The following SCN2A variants were observed in gnomAD, a reference collection of about 807,000 sequenced individuals.
The protein encoded by SCN2A is sodium channel protein type 2 subunit alpha.
Under a neutral mutation model 188.7 loss-of-function variants are expected in SCN2A, and 20 were observed. That is an observed-to-expected ratio of 0.11 (90% CI 0.07 to 0.15). The LOEUF (loss-of-function observed/expected upper bound fraction) is 0.15, where lower values mean the gene tolerates loss of function less well. SCN2A is among the 10% of genes least tolerant of loss of function. The pLI is 1.00. For synonymous variants in SCN2A, 804 were observed against 833.1 expected, an observed-to-expected ratio of 0.97 and a Z score of 0.60; for missense variants, 1,278 against 2,445.0, an observed-to-expected ratio of 0.52 and a Z score of 10.07.
Position 165,297,151 on chromosome 2 carries a change from T to C in SCN2A, c.386+16T>C. The C allele has an allele frequency of 7.2e-7, 1 of 1,387,008 alleles. No homozygotes were observed. Among genetic ancestry groups the C allele is most frequent in the Non-Finnish European group, 1.0e-6 (1 of 974,168 alleles). 85.9% of individuals were successfully genotyped at this position (1,387,008 alleles called of 1,614,324 possible). ...TGGTACATTCATATCCTTTTTCAAA[T>C]CGTCACTTAATATGATTTTCTTCTT... is the stretch of plus-strand genomic sequence containing the variant. On this transcript the variant is annotated intron_variant, in intron 3 of 26. Transcript: ENST00000375437.
chr2:165,257,858 A>G (rs919997551), intron 1 of SCN2A, among the ~76,000 whole-genome samples: 1 of 152,094 alleles, frequency 6.6e-6, no homozygotes, highest in Non-Finnish European at 1.5e-5. Context: ...TTTGATTTGC[A>G]TTCTCTAATG....
intron 16 of SCN2A, among the ~76,000 whole-genome samples, chr2:165,348,907 G>A (rs1699744889): frequency 6.6e-6 from 1 of 152,194 alleles, no homozygotes; most frequent in African/African-American, 2.4e-5. Flanking sequence ...ATGTAAGAGA[G>A]AAGGCAAGGA....
chr2:165,310,556 G>C lies in SCN2A; in HGVS notation c.931G>C (p.Val311Leu). The change falls in exon 7 of 27, where the codon GTG becomes CTG. Residue 311 changes from valine to leucine, a missense_variant. Physicochemically the swap from Val to Leu is conservative, Grantham distance 32. This residue lies in a region of SCN2A where 45 missense variants were observed against 58.1 expected (regional missense o/e 0.77). Coordinates refer to ENST00000375437, the MANE Select transcript of SCN2A (RefSeq NM_001040142.2). Reference sequence around the variant, plus strand: ...GAATGGTACTACTTTCAATAGGACAGTGAGCATATTTAACTGGGATGAATA... The same window carrying C: ...GAATGGTACTACTTTCAATAGGACACTGAGCATATTTAACTGGGATGAATA... ...DGNGTTFNRT[V>L]SIFNWDEYIE... 6.2e-7 allele frequency: 1 copy of C among 1,612,432 alleles called. No individual in the cohort carries two copies. The highest frequency in any genetic ancestry group is 8.5e-7 in the Non-Finnish European group (1 of 1,178,752).
rs986519213 is a variant in SCN2A at position 165,311,399 on chromosome 2, A to G, written c.971-626A>G. On this transcript the variant is annotated intron_variant, in intron 7 of 26. Coordinates refer to ENST00000375437, the MANE Select transcript of SCN2A (RefSeq NM_001040142.2). ...AAATAAAAACTAGATAGCTCTCCAT[A>G]GCTTAAAAATAAAAACTAGATATAC... 3.9e-5 allele frequency among the ~76,000 whole-genome samples: 6 copies of G among 152,144 alleles called. No homozygotes were observed. In the East Asian group the frequency reaches 1.2e-3, roughly 29 times the overall value.
At chr2:165,360,994 C>T (rs1271756591) in intron 17 of SCN2A, among the ~76,000 whole-genome samples, 3 of 151,792 alleles carry the variant, frequency 2.0e-5, no homozygotes, top group Non-Finnish European at 2.9e-5. Flanking sequence ...TTAGGTTGAT[C>T]GTAATTATGA....
chr2:165,315,386 A>C, intron 10 of SCN2A, 85 bp from the exon 11 acceptor site: 1 of 1,584,050 alleles, frequency 6.3e-7, no homozygotes, highest in African/African-American at 1.4e-5. Context: ...GATTATCTTC[A>C]TGATATTGAA....
intron 14 of SCN2A, among the ~76,000 whole-genome samples, chr2:165,334,613 G>T (rs1698885431): frequency 6.6e-6 from 1 of 151,564 alleles, no homozygotes; most frequent in South Asian, 2.1e-4. Context: ...AAATAGAAAA[G>T]AACTTCAGCC....
At chr2:165,346,171 C>A (rs964417530) in intron 16 of SCN2A, among the ~76,000 whole-genome samples, 13 of 152,098 alleles carry the variant, frequency 8.5e-5, no homozygotes, top group African/African-American at 2.7e-4. Flanking sequence ...CTTGGTGTAT[C>A]TGACAATTAT....
At chr2:165,283,490 T>G (rs529610385) in intron 1 of SCN2A, among the ~76,000 whole-genome samples, 1 of 152,342 alleles carries the variant, frequency 6.6e-6, no homozygotes, top group African/African-American at 2.4e-5. Flanking sequence ...ATGCCTGGGA[T>G]AAGAGTACAT....
Position 165,354,749 on chromosome 2 carries a change from C to T in SCN2A, c.3399+78C>T, listed in dbSNP as rs563247119. ...AAAATTATCAGGTGTTTTTAAATTG[C>T]GTGTTTCCTTCCTGTTAAGAAAATA... On this transcript the variant is annotated intron_variant, in intron 17 of 26. Transcript: ENST00000375437. The T allele has an allele frequency of 1.4e-3, 2,026 of 1,421,958 alleles. 3 individuals carry two copies. Among genetic ancestry groups the T allele is most frequent in the Non-Finnish European group, 1.8e-3 (1,871 of 1,026,010 alleles). 88.1% of individuals were successfully genotyped at this position (1,421,958 alleles called of 1,614,324 possible).
chr2:165,360,703 C>T (rs56202112), intron 17 of SCN2A, among the ~76,000 whole-genome samples: 58,399 of 151,656 alleles, frequency 0.39, 11,573 homozygotes, highest in East Asian at 0.53. Context: ...CTACAAACAT[C>T]AGTTAGTCCG....
At position 165,296,119 on chromosome 2, in the gene SCN2A, G is replaced by C. The variant is rs556515282; in HGVS notation, c.267+29G>C. 2.9e-5 allele frequency: 46 copies of C among 1,602,304 alleles called. No homozygotes were observed. The African/African-American group carries it at 3.6e-4, about 13-fold the overall frequency. On this transcript the variant is annotated intron_variant, in intron 2 of 26. Coordinates refer to ENST00000375437, the MANE Select transcript of SCN2A (RefSeq NM_001040142.2). ...AGTTCTTAGTCAAGTTGCCTTCACT[G>C]CCTATTTACTAATTGGTTCTGGGCT...
intron 20 of SCN2A, chr2:165,372,370 C>A (rs1038802782): frequency 6.6e-6 from 1 of 151,902 alleles, no homozygotes; most frequent in Non-Finnish European, 1.5e-5. Flanking sequence ...ATATATTTTT[C>A]AAATATATTA....
Position 165,388,990 on chromosome 2 carries a change from T to G in SCN2A, c.5184T>G (p.Pro1728=), listed in dbSNP as rs979241025. The change falls in exon 27 of 27, where the codon CCT becomes CCG. Residue 1728 remains proline, a synonymous_variant. Transcript: ENST00000375437. ...TAGCACCTATTCTTAATAGTGGACC[T>G]CCAGACTGTGACCCTGACAAAGATC... is the stretch of plus-strand genomic sequence containing the variant. ...GLLAPILNSG[P]PDCDPDKDHP... is the part of the protein sequence containing the mutation. The G allele has an allele frequency of 6.2e-7, 1 of 1,614,104 alleles. No homozygotes were observed. The highest frequency in any genetic ancestry group is 8.5e-7 in the Non-Finnish European group (1 of 1,180,000).
chr2:165,273,326 C>G (rs993134457), intron 1 of SCN2A: 1 of 152,056 alleles, frequency 6.6e-6, no homozygotes, highest in Non-Finnish European at 1.5e-5. Flanking sequence ...GTGACAAAAC[C>G]ATCTGTCTCT....
chr2:165,330,653 T>C (rs1355670919), intron 13 of SCN2A, among the ~76,000 whole-genome samples: 1 of 152,154 alleles, frequency 6.6e-6, no homozygotes, highest in Non-Finnish European at 1.5e-5. Flanking sequence ...AAATCCTTTG[T>C]ATTTTTCCAG....
At position 165,319,132 on chromosome 2, in the gene SCN2A, T is replaced by TG. The variant is rs199948806; in HGVS notation, c.1671+3375dup. Among the ~76,000 whole-genome samples the TG allele has an allele frequency of 8.2e-3, 1,242 of 152,044 alleles. 24 individuals are homozygous for TG. Among genetic ancestry groups the TG allele is most frequent in the African/African-American group, 0.028 (1,149 of 41,484 alleles). ...ACGGGCAGATCATGAGATCAGGAGA[T>TG]GAGACCATCCTGGCTAACACGGTGA... is the stretch of plus-strand genomic sequence containing the variant. On this transcript the variant is annotated intron_variant, in intron 11 of 26. Transcript: ENST00000375437.
intron 10 of SCN2A, among the ~76,000 whole-genome samples, chr2:165,315,227 G>T (rs941397614): frequency 6.6e-6 from 1 of 152,094 alleles, no homozygotes; most frequent in Non-Finnish European, 1.5e-5. Context: ...TAGATAATTA[G>T]ATATCATAGT....
intron 1 of SCN2A, among the ~76,000 whole-genome samples, chr2:165,287,585 A>G (rs980890081): frequency 3.3e-5 from 5 of 151,852 alleles, no homozygotes; most frequent in Non-Finnish European, 7.4e-5. Context: ...TATTTTAGAC[A>G]GTTTAGTAAC....
Sources: allele counts gnomAD v4.1 joint callset (sites outside exome capture counted in the v4.1 genomes callset), GRCh38; gene constraint gnomAD v4.1.1; regional missense constraint gnomAD v4.1.1; transcripts MANE v1.5; gene names NCBI Gene and HGNC (gene_info 2026-07-23, HGNC 2026-07-21).